IGF2R: variants seen among roughly 807,000 people sequenced by gnomAD.
The protein encoded by IGF2R is cation-independent mannose-6-phosphate receptor.
Under a neutral mutation model 270.6 loss-of-function variants are expected in IGF2R, and 91 were observed. That is an observed-to-expected ratio of 0.34 (90% CI 0.28 to 0.40). IGF2R has a LOEUF of 0.40. Ranked by LOEUF, IGF2R falls within the 10% of genes least tolerant of loss-of-function variation. IGF2R has a pLI of 1.00. For missense variants in IGF2R, 2,805 were observed against 3,188.3 expected (o/e 0.88, Z 2.90); for synonymous variants, 1,316 against 1,258.9 (o/e 1.05, Z -0.96).
At chr6:160,049,092 T>C (rs1018332688) in intron 18 of IGF2R, among the ~76,000 whole-genome samples, 2 of 152,294 alleles carry the variant, frequency 1.3e-5, no homozygotes, top group East Asian at 1.9e-4. Flanking sequence ...TCTGTAAAAA[T>C]AGCATGTTGG....
chr6:160,073,302 G>T lies in IGF2R; in HGVS notation c.4780G>T (p.Asp1594Tyr). The change falls in exon 34 of 48, where the codon GAT (aspartate) becomes TAT (tyrosine). Residue 1594 changes from aspartate (D) to tyrosine (Y), a missense_variant. By Grantham distance (160) the Asp-to-Tyr change is radical. Coordinates refer to ENST00000356956, the MANE Select transcript of IGF2R (RefSeq NM_000876.4). ...CCAGGTCCTGCAGCTGGTGTACAAG[G>T]ATGGGTCCCCTTGTCCCTCCAAATC... The part of the protein sequence containing the change: ...VDQVLQLVYK[D>Y]GSPCPSKSGL... 6.2e-7 allele frequency: 1 copy of T among 1,614,274 alleles called. No individual in the cohort carries two copies. Among genetic ancestry groups the T allele is most frequent in the Non-Finnish European group, 8.5e-7 (1 of 1,180,056 alleles).
At chr6:159,980,208 A>AG (rs1783766004) in intron 1 of IGF2R, among the ~76,000 whole-genome samples, 1 of 90,570 alleles carries the variant, frequency 1.1e-5, no homozygotes, top group Non-Finnish European at 2.1e-5. Context: ...AGAAAGAAAG[A>AG]AAGAAAGAAA....
chr6:160,049,584 C>G (rs1250305823), intron 18 of IGF2R, among the ~76,000 whole-genome samples: 2 of 152,174 alleles, frequency 1.3e-5, no homozygotes, highest in African/African-American at 2.4e-5. Context: ...CTGGAACTTC[C>G]GCGCTGCACT....
intron 33 of IGF2R, 106 bp downstream of exon 33, chr6:160,072,990 C>G (rs1778776653): frequency 1.3e-6 from 2 of 1,484,714 alleles, no homozygotes; most frequent in African/African-American, 1.4e-5. Flanking sequence ...AGCCAGGAAG[C>G]TGAGACGCTT....
chr6:159,986,348 C>T (rs1442124739), intron 1 of IGF2R, among the ~76,000 whole-genome samples: 3 of 151,438 alleles, frequency 2.0e-5, no homozygotes, highest in Non-Finnish European at 2.9e-5. Flanking sequence ...TCTCGTGCCT[C>T]AGCCTCCCGA....
intron 31 of IGF2R, among the ~76,000 whole-genome samples, chr6:160,070,899 G>A (rs977948702): frequency 2.4e-4 from 36 of 152,214 alleles, no homozygotes; most frequent in Admixed American, 4.6e-4. Context: ...ATTGTGCAGA[G>A]GCTTAGTCCA....
chr6:160,034,109 A>G (rs2115234753), intron 9 of IGF2R, among the ~76,000 whole-genome samples: 2 of 152,322 alleles, frequency 1.3e-5, no homozygotes, highest in Admixed American at 1.3e-4. Context: ...AAGGCTGTCT[A>G]ATTCTTGGGC....
At position 160,061,901 on chromosome 6, in the gene IGF2R, G is replaced by T; in HGVS notation, c.3555G>T (p.Arg1185Ser). ...GTGGGAACCAGCGCTTCTCCACCAG[G>T]ATCACGTTTGAGTGTGCTCAGATAT... ...DKCGNQRFST[R>S]ITFECAQISG... is the part of the protein sequence containing the mutation. The change falls in exon 25 of 48, where the codon AGG (arginine) becomes AGT (serine). Residue 1185 changes from arginine to serine, a missense_variant. By Grantham distance (110) the Arg-to-Ser change is moderately radical. This residue lies in a region of IGF2R where 1,851 missense variants were observed against 2,207.2 expected (regional missense o/e 0.84). Coordinates refer to ENST00000356956, the MANE Select transcript of IGF2R (RefSeq NM_000876.4). 1 of 1,614,144 alleles carries T rather than the reference G, an allele frequency of 6.2e-7. No individual in the cohort carries two copies. The highest frequency in any genetic ancestry group is 8.5e-7 in the Non-Finnish European group (1 of 1,180,012).
intron 1 of IGF2R, among the ~76,000 whole-genome samples, 174 bp downstream of exon 1, chr6:159,969,569 C>T (rs926959097): frequency 6.6e-6 from 1 of 152,058 alleles, no homozygotes; most frequent in African/African-American, 2.4e-5. Flanking sequence ...CGAGTCCCGC[C>T]GGGTCCCGTG....
Position 159,998,341 on chromosome 6 carries a change from G to A in IGF2R, c.289+7018G>A, listed in dbSNP as rs1465400074. Among the ~76,000 whole-genome samples, 2 of 152,214 alleles carry A rather than the reference G, an allele frequency of 1.3e-5. No individual in the cohort carries two copies. The highest frequency in any genetic ancestry group is 2.9e-5 in the Non-Finnish European group (2 of 68,038). ...CCAGATGGAGGCAACTTACTTGAAGGATAATTTGTGAGCTTGGCCTCACTG... is the reference window on the plus strand; with the variant it reads ...CCAGATGGAGGCAACTTACTTGAAGAATAATTTGTGAGCTTGGCCTCACTG... On this transcript the variant is annotated intron_variant, in intron 2 of 47. Transcript: ENST00000356956. The surrounding 1 kb of genome is among the most constrained non-coding windows in gnomAD (Gnocchi z 4.1).
Position 160,069,992 on chromosome 6 carries a change from C to T in IGF2R, c.4377C>T (p.Asp1459=), listed in dbSNP as rs372270976. 6 of 1,614,120 alleles carry T rather than the reference C, an allele frequency of 3.7e-6. No individual in the cohort carries two copies. The highest frequency in any genetic ancestry group is 5.1e-6 in the Non-Finnish European group (6 of 1,180,054). Residue 1459 remains aspartate (D), a synonymous_variant, in exon 31 of 48, where the codon GAC becomes GAT. Coordinates refer to ENST00000356956, the MANE Select transcript of IGF2R (RefSeq NM_000876.4). ...GIIVLKYVDG[D]LCPDGIRKKS... ...TTGTCCTGAAATACGTTGATGGCGA[C>T]TTATGTCCAGATGGGATTCGGAAAA...
At chr6:160,099,515 C>T (rs562839033) in intron 45 of IGF2R, among the ~76,000 whole-genome samples, 108 of 152,140 alleles carry the variant, frequency 7.1e-4, no homozygotes, top group African/African-American at 2.5e-3. Flanking sequence ...TACAGGGGCC[C>T]GCTACCATGC....
At chr6:160,014,986 A>G (rs1232142018) in intron 4 of IGF2R, among the ~76,000 whole-genome samples, 2 of 152,178 alleles carry the variant, frequency 1.3e-5, no homozygotes, top group African/African-American at 4.8e-5. Flanking sequence ...TGCTTTGAGG[A>G]TATGGTCAAA....
chr6:160,053,581 A>G (rs1778244829), intron 19 of IGF2R, among the ~76,000 whole-genome samples: 2 of 152,148 alleles, frequency 1.3e-5, no homozygotes, highest in Admixed American at 1.3e-4. Context: ...GCCATTTTAT[A>G]CAGTCCCAAT....
chr6:160,060,834 TG>T (rs1778423510), intron 23 of IGF2R, 117 bp downstream of exon 23: 2 of 912,928 alleles, frequency 2.2e-6, no homozygotes, highest in South Asian at 3.3e-5. Context: ...TGTGTATGCT[TG>T]GTTATGCAGG....
chr6:160,091,035 A>G (rs1447137384), intron 44 of IGF2R, among the ~76,000 whole-genome samples: 1 of 145,140 alleles, frequency 6.9e-6, no homozygotes, highest in African/African-American at 2.6e-5. Context: ...TGCTGAGCGC[A>G]TCGCTGAGAA....
chr6:160,044,508 T>C lies in IGF2R; in HGVS notation c.1622-6T>C. 3.1e-6 allele frequency: 5 copies of C among 1,598,916 alleles called. No individual in the cohort carries two copies. Among genetic ancestry groups the C allele is most frequent in the Non-Finnish European group, 4.3e-6 (5 of 1,169,524 alleles). On this transcript the variant is annotated splice_polypyrimidine_tract_variant and splice_region_variant and intron_variant, in intron 12 of 47. Transcript: ENST00000356956. ...ATCTTCTGTTTTCTCCCCCTTTCTC[T>C]TCCAGATAAAAATGGAAGTAAAAAT...
At chr6:160,080,945 G>A (rs1299331799) in intron 39 of IGF2R, among the ~76,000 whole-genome samples, 11 of 146,992 alleles carry the variant, frequency 7.5e-5, no homozygotes, top group South Asian at 6.6e-4. Flanking sequence ...GTGAAACCCC[G>A]TCTCTACTAA....
chr6:160,085,122 G>C lies in IGF2R; in HGVS notation c.6196G>C (p.Gly2066Arg), dbSNP rs143509112. The C allele has an allele frequency of 6.2e-7, 1 of 1,613,298 alleles. No homozygotes were observed. The change falls in exon 41 of 48, where the codon GGT becomes CGT. Residue 2066 changes from glycine to arginine, a missense_variant. Coordinates refer to ENST00000356956, the MANE Select transcript of IGF2R (RefSeq NM_000876.4). ...GGGACTCGTTCACACGCAGAAGCTG[G>C]GTGTCATAGGTAAGGCCTGTGGGTC... is the stretch of plus-strand genomic sequence containing the variant. ...VLGLVHTQKL[G>R]VIGDKVVVTY...
Sources: gnomAD v4.1 joint callset for allele counts (sites outside exome capture counted in the v4.1 genomes callset) on GRCh38, gnomAD v4.1.1 for gene constraint, gnomAD v4.1.1 regional missense constraint, Gnocchi (gnomAD v3.1) non-coding constraint, MANE v1.5 for transcripts, NCBI Gene and HGNC (gene_info 2026-07-23, HGNC 2026-07-21) for gene names.